The following NCAM1 variants were observed in gnomAD, a reference collection of about 807,000 sequenced individuals.
The protein encoded by NCAM1 is antigen recognized by monoclonal antibody 5.1H11.
In NCAM1, 14 loss-of-function variants were observed where a neutral mutation model predicts 109.8. That is an observed-to-expected ratio of 0.13 (90% CI 0.08 to 0.20). NCAM1 has a LOEUF of 0.20. Among genes scored for constraint, NCAM1 ranks in the 10% least tolerant of loss-of-function variants. The pLI is 1.00. For synonymous variants in NCAM1, 418 were observed against 442.9 expected (o/e 0.94, Z 0.70); for missense variants, 774 against 1,109.9 (o/e 0.70, Z 4.30).
chr11:113,175,231 G>A (rs1232796933), intron 1 of NCAM1, among the ~76,000 whole-genome samples: 6 of 152,226 alleles, frequency 3.9e-5, no homozygotes, highest in African/African-American at 1.4e-4. Context: ...GCTTAATAGA[G>A]TTTACCAGTT....
At position 113,191,973 on chromosome 11, in the gene NCAM1, A is replaced by G. The variant is rs143176866; in HGVS notation, c.53-10406A>G. Reference sequence around the variant, plus strand: ...TCTAAAATTCTCAGGATGAAGTTGCATGCTAGCATTCTCTGAATTTCTATT... The same window carrying G: ...TCTAAAATTCTCAGGATGAAGTTGCGTGCTAGCATTCTCTGAATTTCTATT... On this transcript the variant is annotated intron_variant, in intron 1 of 19. Transcript: ENST00000316851. 5.3e-5 allele frequency among the ~76,000 whole-genome samples: 8 copies of G among 152,374 alleles called. No individual in the cohort carries two copies. In the East Asian group the frequency reaches 1.5e-3, roughly 29 times the overall value.
chr11:113,258,103 T>C (rs552534441), intron 16 of NCAM1, among the ~76,000 whole-genome samples: 13 of 152,352 alleles, frequency 8.5e-5, no homozygotes, highest in African/African-American at 3.1e-4. Context: ...ACTGTCCAGG[T>C]GACAGTGCTA....
At position 113,009,323 on chromosome 11, in the gene NCAM1, T is replaced by G. The variant is rs79507564; in HGVS notation, c.52+47659T>G. Among the ~76,000 whole-genome samples, 360 of 61,710 alleles carry G rather than the reference T, an allele frequency of 5.8e-3. 1 individual carries two copies. Among genetic ancestry groups the G allele is most frequent in the East Asian group, 0.014 (11 of 768 alleles). 40.5% of individuals were successfully genotyped at this position (61,710 alleles called of 152,430 possible). On this transcript the variant is annotated intron_variant, in intron 1 of 19. Coordinates refer to ENST00000316851, the MANE Select transcript of NCAM1 (RefSeq NM_181351.5). Reference sequence around the variant, plus strand: ...AAGGGTTTTTTCGGGTTTTTTTTTTTTTTTTTTTTTTTTTTTTTATTGAGA... The same window carrying G: ...AAGGGTTTTTTCGGGTTTTTTTTTTGTTTTTTTTTTTTTTTTTTATTGAGA...
chr11:112,995,709 A>G (rs1490688566), intron 1 of NCAM1, among the ~76,000 whole-genome samples: 2 of 152,200 alleles, frequency 1.3e-5, no homozygotes, highest in East Asian at 1.9e-4. Flanking sequence ...GCAACTCTGC[A>G]TAGTTTTTTG....
intron 1 of NCAM1, among the ~76,000 whole-genome samples, chr11:113,185,088 AG>A (rs1285775943): frequency 2.8e-5 from 4 of 142,724 alleles, no homozygotes; most frequent in Non-Finnish European, 6.1e-5. Context: ...ATAGAGAGAG[AG>A]AGAGAGAGAG....
chr11:113,147,349 G>A lies in NCAM1; in HGVS notation c.53-55030G>A, dbSNP rs550208366. On this transcript the variant is annotated intron_variant, in intron 1 of 19. Transcript: ENST00000316851. ...GCTCATTGCAATCAGCAGCCATCTTGCTTGAGGATAAAACAAAACAAAAAC... is the reference window on the plus strand; with the variant it reads ...GCTCATTGCAATCAGCAGCCATCTTACTTGAGGATAAAACAAAACAAAAAC... Among the ~76,000 whole-genome samples, 206 of 152,342 alleles carry A rather than the reference G, an allele frequency of 1.4e-3. 1 individual carries two copies. The highest frequency in any genetic ancestry group is 4.7e-3 in the African/African-American group (195 of 41,586).
chr11:113,073,242 T>A (rs76145387), intron 1 of NCAM1, among the ~76,000 whole-genome samples: 7,832 of 152,272 alleles, frequency 0.051, 583 homozygotes, highest in Admixed American at 0.17. Context: ...TGCCTTTATT[T>A]TATACTATTC....
chr11:113,081,302 A>G (rs1257126568), intron 1 of NCAM1, among the ~76,000 whole-genome samples: 2 of 152,214 alleles, frequency 1.3e-5, no homozygotes, highest in Non-Finnish European at 2.9e-5. Flanking sequence ...ACAGCCTTCC[A>G]TCCTCCAGTT....
intron 12 of NCAM1, among the ~76,000 whole-genome samples, 165 bp from the exon 13 acceptor site, chr11:113,232,982 C>T (rs1403555342): frequency 1.3e-5 from 2 of 152,122 alleles, no homozygotes; most frequent in Non-Finnish European, 2.9e-5. Flanking sequence ...GCGCATGGGG[C>T]ATGTTGGGGG....
chr11:113,113,226 G>A (rs1940525620), intron 1 of NCAM1, among the ~76,000 whole-genome samples: 1 of 152,182 alleles, frequency 6.6e-6, no homozygotes, highest in East Asian at 1.9e-4. Flanking sequence ...CTCTGACCTA[G>A]TAGAAAGGGT....
chr11:113,082,668 T>A (rs1400848210), intron 1 of NCAM1, among the ~76,000 whole-genome samples: 2 of 152,142 alleles, frequency 1.3e-5, no homozygotes, highest in Non-Finnish European at 2.9e-5. Flanking sequence ...GCAAGAAGGG[T>A]CTGGACGCTC....
At chr11:113,270,144 G>A (rs370291017) in intron 17 of NCAM1, 44 bp from the exon 18 acceptor site, 42 of 1,594,128 alleles carry the variant, frequency 2.6e-5, no homozygotes, top group South Asian at 1.2e-4. Flanking sequence ...TGGAGGTCTC[G>A]CATCTCAGTC....
rs538605597 is a variant in NCAM1 at position 113,037,650 on chromosome 11, G to C, written c.52+75986G>C. On this transcript the variant is annotated intron_variant, in intron 1 of 19. Coordinates refer to ENST00000316851, the MANE Select transcript of NCAM1 (RefSeq NM_181351.5). The stretch of plus-strand genomic sequence containing the variant: ...AATGCACCCAGACTTACAGCCTTAC[G>C]GTCAGTCACGTTGGAGTCCCTCCTT... Among the ~76,000 whole-genome samples, 3 of 152,162 alleles carry C rather than the reference G, an allele frequency of 2.0e-5. No individual in the cohort carries two copies. In the South Asian group the frequency reaches 6.2e-4, roughly 32 times the overall value.
chr11:113,186,754 C>T (rs1282953788), intron 1 of NCAM1, among the ~76,000 whole-genome samples: 3 of 152,202 alleles, frequency 2.0e-5, no homozygotes, highest in Non-Finnish European at 4.4e-5. Context: ...AGCCCTCTGG[C>T]AGCTGATCAG....
intron 1 of NCAM1, among the ~76,000 whole-genome samples, chr11:113,053,523 C>T (rs1449677986): frequency 6.6e-6 from 1 of 152,116 alleles, no homozygotes; most frequent in Non-Finnish European, 1.5e-5. Flanking sequence ...ACATTTCCAC[C>T]AACAGTTTAA....
intron 7 of NCAM1, among the ~76,000 whole-genome samples, chr11:113,209,637 GTTATAAT>G (rs1258332756): frequency 1.3e-5 from 2 of 152,198 alleles, no homozygotes; most frequent in African/African-American, 4.8e-5. Context: ...AAACATAAAT[GTTATAAT>G]AGTGTCAGTC....
At chr11:113,183,443 C>T (rs782573171) in intron 1 of NCAM1, among the ~76,000 whole-genome samples, 20 of 152,204 alleles carry the variant, frequency 1.3e-4, no homozygotes, top group Non-Finnish European at 2.1e-4. Flanking sequence ...AGGAAATACA[C>T]GCAAATGAAA....
intron 1 of NCAM1, among the ~76,000 whole-genome samples, chr11:113,044,795 C>T (rs1180762150): frequency 2.0e-5 from 3 of 151,944 alleles, no homozygotes; most frequent in African/African-American, 7.2e-5. Context: ...GCTCTGTCGC[C>T]CAAGCTGGAG....
chr11:113,200,531 AGATCACCTACCCG>A (rs1412248731), intron 1 of NCAM1, among the ~76,000 whole-genome samples: 4 of 152,192 alleles, frequency 2.6e-5, no homozygotes, highest in African/African-American at 9.6e-5. Flanking sequence ...CATCATGGAA[AGATCACCTACCCG>A]GAGCCAGGAG....
Sources: gnomAD v4.1 joint callset for allele counts (sites outside exome capture counted in the v4.1 genomes callset) on GRCh38, gnomAD v4.1.1 for gene constraint, MANE v1.5 for transcripts, NCBI Gene and HGNC (gene_info 2026-07-23, HGNC 2026-07-21) for gene names.